CNTN4: variants seen among roughly 807,000 people sequenced by gnomAD.
The protein encoded by CNTN4 is contactin-4.
A neutral mutation model predicts 122.5 loss-of-function variants in CNTN4; 77 were observed. The observed-to-expected ratio is 0.63, with a 90% CI of 0.52 to 0.76. The LOEUF (loss-of-function observed/expected upper bound fraction) is 0.76, where lower values mean the gene tolerates loss of function less well. Among genes scored for constraint, CNTN4 ranks in the 30% least tolerant of loss-of-function variants. The pLI is 0.00. For synonymous variants in CNTN4, 512 were observed against 447.0 expected, an observed-to-expected ratio of 1.15 and a Z score of -1.83; for missense variants, 1,256 against 1,259.1, an observed-to-expected ratio of 1.00 and a Z score of 0.04.
chr3:2,493,784 G>C (rs2076380372), intron 3 of CNTN4, among the ~76,000 whole-genome samples: 1 of 152,114 alleles, frequency 6.6e-6, no homozygotes, highest in Admixed American at 6.6e-5. Context: ...ATTATGGGGA[G>C]ACTTCAGAGA....
At chr3:2,131,339 T>C (rs2034442424) in intron 2 of CNTN4, among the ~76,000 whole-genome samples, 1 of 152,156 alleles carries the variant, frequency 6.6e-6, no homozygotes, top group Admixed American at 6.5e-5. Flanking sequence ...GACTCAGTCT[T>C]ACATCAACAT....
intron 7 of CNTN4, among the ~76,000 whole-genome samples, chr3:2,852,637 G>T (rs548880691): frequency 9.9e-5 from 15 of 152,216 alleles, no homozygotes; most frequent in African/African-American, 3.4e-4. Flanking sequence ...CCATTTTTCA[G>T]ATGAGAAAAT....
At position 2,574,108 on chromosome 3, in the gene CNTN4, TG is replaced by T. The variant is rs1178346396; in HGVS notation, c.55+2553del. Among the ~76,000 whole-genome samples, 14 of 152,130 alleles carry T rather than the reference TG, an allele frequency of 9.2e-5. No homozygotes were observed. In the East Asian group the frequency reaches 2.5e-3, roughly 27 times the overall value. ...GTGTATGCCTGTAATCCCAGCTACT[TG>T]GGAGGCTAAGGCAGGAGAATCGCCT... On this transcript the variant is annotated intron_variant, in intron 4 of 24. Coordinates refer to ENST00000418658, the MANE Select transcript of CNTN4 (RefSeq NM_175607.3).
intron 2 of CNTN4, among the ~76,000 whole-genome samples, chr3:2,320,468 G>A (rs540376967): frequency 4.1e-4 from 63 of 152,136 alleles, no homozygotes; most frequent in African/African-American, 1.2e-3. Context: ...TAACCTCAGC[G>A]TCCCACCTTA....
At chr3:2,580,843 T>C (rs530331291) in intron 4 of CNTN4, among the ~76,000 whole-genome samples, 1 of 152,290 alleles carries the variant, frequency 6.6e-6, no homozygotes, top group South Asian at 2.1e-4. Context: ...GGAGAGGTAT[T>C]ATCCTAAGTT....
chr3:3,051,811 C>T (rs1559840111), intron 23 of CNTN4, among the ~76,000 whole-genome samples: 1 of 152,220 alleles, frequency 6.6e-6, no homozygotes, highest in Admixed American at 6.5e-5. Context: ...ATGAATTTCA[C>T]TTGTGTCTGG....
intron 3 of CNTN4, among the ~76,000 whole-genome samples, chr3:2,424,777 G>A (rs748966992): frequency 1.9e-4 from 29 of 152,206 alleles, no homozygotes; most frequent in South Asian, 8.3e-4. Flanking sequence ...GTGAGATGGC[G>A]TCTCATTGCG....
chr3:3,012,163 C>A (rs144501577), intron 14 of CNTN4, among the ~76,000 whole-genome samples: 222 of 152,168 alleles, frequency 1.5e-3, no homozygotes, highest in African/African-American at 3.9e-3. Context: ...ATCTGTACAC[C>A]CTCACCACAA....
At chr3:2,961,591 T>C (rs894513883) in intron 13 of CNTN4, among the ~76,000 whole-genome samples, 10 of 152,152 alleles carry the variant, frequency 6.6e-5, no homozygotes, top group African/African-American at 2.2e-4. Context: ...ATATCAAATG[T>C]TGTTAAATCC....
At chr3:2,478,863 T>C (rs1207577270) in intron 3 of CNTN4, among the ~76,000 whole-genome samples, 1 of 152,232 alleles carries the variant, frequency 6.6e-6, no homozygotes, top group Non-Finnish European at 1.5e-5. Context: ...TTCCATGTCC[T>C]TGCTATTGTG....
At chr3:2,467,176 T>C (rs1469610581) in intron 3 of CNTN4, among the ~76,000 whole-genome samples, 1 of 150,030 alleles carries the variant, frequency 6.7e-6, no homozygotes, top group Admixed American at 6.7e-5. Context: ...GGTCAGGACC[T>C]GGCTTCCCAA....
At chr3:2,345,254 T>C (rs2044358154) in intron 3 of CNTN4, among the ~76,000 whole-genome samples, 1 of 152,214 alleles carries the variant, frequency 6.6e-6, no homozygotes, top group African/African-American at 2.4e-5. Context: ...ATCATTTTTA[T>C]GATTTTTTTT....
chr3:2,569,917 A>C (rs2079344040), intron 3 of CNTN4, among the ~76,000 whole-genome samples: 1 of 152,110 alleles, frequency 6.6e-6, no homozygotes, highest in South Asian at 2.1e-4. Flanking sequence ...TCTCAGTAAC[A>C]GCCCCTACTG....
intron 2 of CNTN4, among the ~76,000 whole-genome samples, chr3:2,261,851 G>A (rs1319408036): frequency 6.6e-6 from 1 of 152,140 alleles, no homozygotes; most frequent in Admixed American, 6.6e-5. Flanking sequence ...ATCTGCCCGA[G>A]TATCTGTGTG....
chr3:2,777,653 G>C (rs901433177), intron 6 of CNTN4, among the ~76,000 whole-genome samples: 3 of 152,156 alleles, frequency 2.0e-5, no homozygotes, highest in African/African-American at 7.2e-5. Flanking sequence ...GAAAAATGGA[G>C]TCATGAATTC....
intron 3 of CNTN4, among the ~76,000 whole-genome samples, chr3:2,510,804 A>G (rs2076865646): frequency 6.6e-6 from 1 of 152,138 alleles, no homozygotes; most frequent in Admixed American, 6.5e-5. Flanking sequence ...ACTGGTTTAT[A>G]ACCCCTGACT....
chr3:2,520,351 C>A (rs2077168057), intron 3 of CNTN4, among the ~76,000 whole-genome samples: 1 of 140,430 alleles, frequency 7.1e-6, no homozygotes, highest in Non-Finnish European at 1.5e-5. Context: ...TGGTTCACTG[C>A]AACATTCACC....
At chr3:2,555,989 C>T (rs2078705456) in intron 3 of CNTN4, among the ~76,000 whole-genome samples, 1 of 152,188 alleles carries the variant, frequency 6.6e-6, no homozygotes, top group Admixed American at 6.5e-5. Flanking sequence ...GCTGTCAAGA[C>T]TCCTACCTTA....
chr3:3,028,964 G>C (rs1377680584), intron 15 of CNTN4, among the ~76,000 whole-genome samples: 2 of 152,164 alleles, frequency 1.3e-5, no homozygotes, highest in Admixed American at 1.3e-4. Flanking sequence ...CCAGAGGGCT[G>C]ACTGCAGGAC....
Sources: allele counts gnomAD v4.1 joint callset (sites outside exome capture counted in the v4.1 genomes callset), GRCh38; gene constraint gnomAD v4.1.1; transcripts MANE v1.5; gene names NCBI Gene and HGNC (gene_info 2026-07-23, HGNC 2026-07-21).